MAF: variants seen among roughly 807,000 people sequenced by gnomAD.
The protein encoded by MAF is MAF bZIP transcription factor.
MAF carries 10 observed loss-of-function variants against 22.0 expected under a neutral mutation model. The observed-to-expected ratio is 0.45, with a 90% CI of 0.28 to 0.77. The LOEUF is 0.77. Among genes scored for constraint, MAF ranks in the 30% least tolerant of loss-of-function variants. The probability of loss-of-function intolerance (pLI) is 0.12; values close to 1 mark genes in which losing one functional copy is unlikely to be tolerated. For missense variants in MAF, 544 were observed against 548.4 expected, an observed-to-expected ratio of 0.99 and a Z score of 0.08; for synonymous variants, 337 against 255.8, an observed-to-expected ratio of 1.32 and a Z score of -3.03.
chr16:79,273,807 T>C, the MAF span, among the ~76,000 whole-genome samples: 1 of 152,184 alleles, frequency 6.6e-6, no homozygotes, highest in Non-Finnish European at 1.5e-5. Flanking sequence ...GTATCTTTAA[T>C]TTCCCCTTGC....
chr16:79,221,999 T>C, the MAF span, among the ~76,000 whole-genome samples: 2 of 152,116 alleles, frequency 1.3e-5, no homozygotes, highest in Non-Finnish European at 2.9e-5. Context: ...GTAAAAATAA[T>C]ATCATGAGAA....
At chr16:79,209,843 G>A in the MAF span, among the ~76,000 whole-genome samples, 3 of 152,182 alleles carry the variant, frequency 2.0e-5, no homozygotes, top group Non-Finnish European at 2.9e-5. Context: ...CAGGTGCTAA[G>A]CTCAGGGTTA....
the MAF span, among the ~76,000 whole-genome samples, chr16:79,533,850 C>A: frequency 1.3e-5 from 2 of 152,126 alleles, no homozygotes; most frequent in Non-Finnish European, 2.9e-5. Context: ...TAACATTCTC[C>A]CTCCTCTGTT....
the MAF span, among the ~76,000 whole-genome samples, chr16:79,530,547 G>A: frequency 3.4e-4 from 51 of 152,184 alleles, no homozygotes; most frequent in African/African-American, 1.2e-3. Context: ...TTCATTTTAA[G>A]TGTGTTTCCA....
At chr16:79,278,950 A>G in the MAF span, among the ~76,000 whole-genome samples, 1 of 152,130 alleles carries the variant, frequency 6.6e-6, no homozygotes, top group African/African-American at 2.4e-5. Flanking sequence ...AGGCTGGAGG[A>G]GGAGGAATTC....
the MAF span, among the ~76,000 whole-genome samples, chr16:79,227,269 T>C: frequency 3.3e-5 from 5 of 152,030 alleles, no homozygotes; most frequent in Non-Finnish European, 1.5e-5. Flanking sequence ...GGGGATCGCC[T>C]GGGCCTGGGA....
chr16:79,212,353 A>T, the MAF span: 1 of 601,266 alleles, frequency 1.7e-6, no homozygotes, highest in Non-Finnish European at 2.8e-6. Context: ...TGACAGTGAC[A>T]CCCAGAGGGA....
the MAF span, among the ~76,000 whole-genome samples, chr16:79,294,642 T>C: frequency 6.6e-6 from 1 of 152,342 alleles, no homozygotes; most frequent in South Asian, 2.1e-4. Context: ...AGGTAAATAT[T>C]CTTAATAGTT....
the MAF span, among the ~76,000 whole-genome samples, chr16:79,278,920 TG>T: frequency 2.6e-5 from 4 of 152,230 alleles, no homozygotes; most frequent in East Asian, 5.8e-4. Context: ...TCCTGGGGAA[TG>T]GGGCCATGGA....
At chr16:79,476,837 G>T in the MAF span, among the ~76,000 whole-genome samples, 1 of 152,136 alleles carries the variant, frequency 6.6e-6, no homozygotes, top group Non-Finnish European at 1.5e-5. Context: ...TCTGTGCCTT[G>T]GTGTCTCCAT....
the MAF span, among the ~76,000 whole-genome samples, chr16:79,238,621 T>A: frequency 6.6e-6 from 1 of 152,074 alleles, no homozygotes; most frequent in African/African-American, 2.4e-5. Context: ...GGGAATGAGG[T>A]TGCCAGATTA....
At chr16:79,431,166 T>A in the MAF span, among the ~76,000 whole-genome samples, 1 of 152,090 alleles carries the variant, frequency 6.6e-6, no homozygotes, top group African/African-American at 2.4e-5. Context: ...CCTCACCCCA[T>A]CCCTCAACCA....
chr16:79,275,584 C>G, the MAF span, among the ~76,000 whole-genome samples: 1 of 152,146 alleles, frequency 6.6e-6, no homozygotes, highest in Non-Finnish European at 1.5e-5. Flanking sequence ...AGAGTGTAGT[C>G]TCTTCAGCAG....
the MAF span, among the ~76,000 whole-genome samples, chr16:79,236,736 C>A: frequency 6.6e-6 from 1 of 151,892 alleles, no homozygotes; most frequent in Non-Finnish European, 1.5e-5. Flanking sequence ...TTTCCAGGTC[C>A]TCAGCATTCC....
chr16:79,273,933 G>A, the MAF span, among the ~76,000 whole-genome samples: 1 of 148,456 alleles, frequency 6.7e-6, no homozygotes, highest in Admixed American at 6.8e-5. Flanking sequence ...CTGGGTTCTA[G>A]GTACTTCGTG....
At chr16:79,352,601 A>T in the MAF span, among the ~76,000 whole-genome samples, 5 of 152,258 alleles carry the variant, frequency 3.3e-5, no homozygotes, top group Non-Finnish European at 7.3e-5. Flanking sequence ...ATTTTTTAAC[A>T]GATTTAACCA....
downstream of MAF, among the ~76,000 whole-genome samples, chr16:79,589,881 G>C (rs1913086320): frequency 6.6e-6 from 1 of 152,194 alleles, no homozygotes; most frequent in Non-Finnish European, 1.5e-5. Flanking sequence ...CGGCGTCGTG[G>C]GCATCTCCGA....
chr16:79,322,815 G>A, the MAF span, among the ~76,000 whole-genome samples: 4 of 151,892 alleles, frequency 2.6e-5, no homozygotes, highest in East Asian at 1.9e-4. Flanking sequence ...TCAGCTCACC[G>A]GACCCCATAG....
At chr16:79,238,596 A>T in the MAF span, among the ~76,000 whole-genome samples, 1 of 152,066 alleles carries the variant, frequency 6.6e-6, no homozygotes, top group Non-Finnish European at 1.5e-5. Flanking sequence ...CAAGACAGAA[A>T]GAGTCTCTGG....
Sources: allele counts gnomAD v4.1 joint callset (sites outside exome capture counted in the v4.1 genomes callset), GRCh38; gene constraint gnomAD v4.1.1; transcripts MANE v1.5; gene names NCBI Gene and HGNC (gene_info 2026-07-23, HGNC 2026-07-21).